The following TENM4 variants were observed in gnomAD, a reference collection of about 807,000 sequenced individuals.
The protein encoded by TENM4 is teneurin-4.
Under a neutral mutation model 243.3 loss-of-function variants are expected in TENM4, and 82 were observed. The ratio of observed to expected loss-of-function variants is 0.34; its 90% confidence interval spans 0.28 to 0.40. The LOEUF (loss-of-function observed/expected upper bound fraction) is 0.40, where lower values mean the gene tolerates loss of function less well. Ranked by LOEUF, TENM4 falls within the 10% of genes least tolerant of loss-of-function variation. The pLI is 1.00. For synonymous variants in TENM4, 1,412 were observed against 1,456.3 expected, an observed-to-expected ratio of 0.97 and a Z score of 0.69; for missense variants, 3,138 against 3,673.3, an observed-to-expected ratio of 0.85 and a Z score of 3.77.
chr11:79,045,521 CAA>C (rs1859634468), intron 6 of TENM4, among the ~76,000 whole-genome samples: 1 of 152,108 alleles, frequency 6.6e-6, no homozygotes, highest in South Asian at 2.1e-4. Context: ...AGGAGAGAGA[CAA>C]AGAGACATGC....
Position 78,676,247 on chromosome 11 carries a change from T to A in TENM4, c.5401A>T (p.Thr1801Ser). 1 of 1,611,016 alleles carries A rather than the reference T, an allele frequency of 6.2e-7. No homozygotes were observed. The change falls in exon 30 of 34, where the codon ACG becomes TCG. Residue 1801 changes from threonine (T) to serine (S), a missense_variant. By Grantham distance (58) the Thr-to-Ser change is moderately conservative. This residue lies in a region of TENM4 where 2,467 missense variants were observed against 3,059.1 expected (regional missense o/e 0.81). Transcript: ENST00000278550. Reference protein sequence around the residue: ...VNPTVGKRNVTLPIDNGLNLV... With the variant: ...VNPTVGKRNVSLPIDNGLNLV... ...TTGAGGCCGTTGTCGATGGGCAGCG[T>A]GACATTCCTCTTGCCCACGGTGGGG...
intron 18 of TENM4, among the ~76,000 whole-genome samples, chr11:78,759,886 T>G (rs970747378): frequency 2.0e-5 from 3 of 152,208 alleles, no homozygotes; most frequent in African/African-American, 7.2e-5. Context: ...AACTCAGTTC[T>G]TTCTGAGGCA....
intron 2 of TENM4, among the ~76,000 whole-genome samples, chr11:79,290,372 A>G (rs543402577): frequency 1.3e-4 from 20 of 152,320 alleles, no homozygotes; most frequent in African/African-American, 4.6e-4. Context: ...ATTTCTTTTG[A>G]GCAAAAGGAA....
chr11:78,736,693 C>G (rs1366130135), intron 20 of TENM4, among the ~76,000 whole-genome samples: 1 of 152,132 alleles, frequency 6.6e-6, no homozygotes, highest in African/African-American at 2.4e-5. Context: ...GCAGTGATAC[C>G]TGTTCACATG....
intron 6 of TENM4, among the ~76,000 whole-genome samples, chr11:78,933,592 T>G (rs969715561): frequency 6.6e-6 from 1 of 152,174 alleles, no homozygotes; most frequent in African/African-American, 2.4e-5. Context: ...CCAATGAGAT[T>G]CTGCAACATC....
chr11:79,408,364 C>T lies in TENM4; in HGVS notation c.-321+32145G>A, dbSNP rs576636866. ...GGTCCGGAGACCACACTTAGAGAAA[C>T]GCCAGGTTATGAGTTCGTGGGCTTT... On this transcript the variant is annotated intron_variant, in intron 1 of 33. Transcript: ENST00000278550. Among the ~76,000 whole-genome samples, 21 of 152,316 alleles carry T rather than the reference C, an allele frequency of 1.4e-4. No homozygotes were observed. In the South Asian group the frequency reaches 2.1e-3, roughly 15 times the overall value.
intron 4 of TENM4, among the ~76,000 whole-genome samples, chr11:79,132,800 G>A (rs541294977): frequency 3.3e-5 from 5 of 152,008 alleles, no homozygotes; most frequent in Non-Finnish European, 7.4e-5. Context: ...CGAACTTAAC[G>A]ACAATAATGA....
rs545068539 is a variant in TENM4, at chr11:79,058,555, A to C, written c.493+6183T>G. Among the ~76,000 whole-genome samples, 31 of 152,070 alleles carry C rather than the reference A, an allele frequency of 2.0e-4. No homozygotes were observed. The South Asian group carries it at 6.0e-3, about 30-fold the overall frequency. ...TGAGACTCCATCTCAAAAAAAAAAA[A>C]ACAAAAAAAAGGATAATGGACACTG... On this transcript the variant is annotated intron_variant, in intron 6 of 33. Coordinates refer to ENST00000278550, the MANE Select transcript of TENM4 (RefSeq NM_001098816.3).
At chr11:79,116,219 T>C (rs1161516405) in intron 4 of TENM4, among the ~76,000 whole-genome samples, 1 of 152,258 alleles carries the variant, frequency 6.6e-6, no homozygotes, top group African/African-American at 2.4e-5. Context: ...ATAAATGGCA[T>C]TTCTCACTTA....
At chr11:78,732,278 T>C (rs1350205064) in intron 21 of TENM4, 38 bp downstream of exon 21, 1 of 1,552,638 alleles carries the variant, frequency 6.4e-7, no homozygotes, top group East Asian at 2.3e-5. Context: ...CAAAATGAAA[T>C]AAAAGCATGG....
chr11:79,152,695 G>C (rs1268711434), intron 3 of TENM4, among the ~76,000 whole-genome samples: 2 of 152,184 alleles, frequency 1.3e-5, no homozygotes, highest in Non-Finnish European at 2.9e-5. Context: ...TGTTTGTGCT[G>C]GCTGGCAGCC....
At chr11:79,336,520 G>A (rs1049562426) in intron 1 of TENM4, among the ~76,000 whole-genome samples, 8 of 152,184 alleles carry the variant, frequency 5.3e-5, no homozygotes, top group Non-Finnish European at 8.8e-5. Flanking sequence ...GGCTGGTTAT[G>A]TGCTTATAAG....
chr11:79,237,793 G>A (rs1403599449), intron 2 of TENM4, among the ~76,000 whole-genome samples: 1 of 152,200 alleles, frequency 6.6e-6, no homozygotes, highest in East Asian at 1.9e-4. Context: ...AATGTGTTTT[G>A]TCGGCTCAGA....
At chr11:78,970,249 G>A (rs1011893157) in intron 6 of TENM4, among the ~76,000 whole-genome samples, 2 of 152,070 alleles carry the variant, frequency 1.3e-5, no homozygotes, top group African/African-American at 4.8e-5. Flanking sequence ...ACCACGTATT[G>A]CTCACCTATG....
At chr11:79,375,633 C>T (rs903226045) in intron 1 of TENM4, among the ~76,000 whole-genome samples, 2 of 152,142 alleles carry the variant, frequency 1.3e-5, no homozygotes, top group Non-Finnish European at 2.9e-5. Flanking sequence ...ATACCTGCCA[C>T]GTAGGATAGA....
chr11:79,398,748 A>AG (rs1858398065), intron 1 of TENM4, among the ~76,000 whole-genome samples: 1 of 107,962 alleles, frequency 9.3e-6, no homozygotes, highest in Non-Finnish European at 1.9e-5. Context: ...AAAAAAAAAA[A>AG]AAAAAAAAAA....
chr11:79,259,295 C>A (rs1855751727), intron 2 of TENM4, among the ~76,000 whole-genome samples: 1 of 152,144 alleles, frequency 6.6e-6, no homozygotes, highest in East Asian at 1.9e-4. Context: ...TGTGCATCTA[C>A]CCATTCATAC....
In TENM4 at chr11:78,716,917, G is replaced by A. The variant is rs565727041; in HGVS notation, c.3821+3453C>T. 1.7e-4 allele frequency among the ~76,000 whole-genome samples: 26 copies of A among 152,320 alleles called. 1 individual carries two copies. The South Asian group carries it at 5.4e-3, about 32-fold the overall frequency. On this transcript the variant is annotated intron_variant, in intron 25 of 33. Coordinates refer to ENST00000278550, the MANE Select transcript of TENM4 (RefSeq NM_001098816.3). ...TTAGAATACTCTACAAATCATAAAT[G>A]TCTCAGAGCATGAGACGGAAGACGG... is the stretch of plus-strand genomic sequence containing the variant.
At chr11:79,121,080 A>C (rs1861735842) in intron 4 of TENM4, among the ~76,000 whole-genome samples, 1 of 152,204 alleles carries the variant, frequency 6.6e-6, no homozygotes, top group Non-Finnish European at 1.5e-5. Flanking sequence ...AAACACTCTT[A>C]GATGGGGAGA....
Sources: gnomAD v4.1 joint callset for allele counts (sites outside exome capture counted in the v4.1 genomes callset) on GRCh38, gnomAD v4.1.1 for gene constraint, gnomAD v4.1.1 regional missense constraint, MANE v1.5 for transcripts, NCBI Gene and HGNC (gene_info 2026-07-23, HGNC 2026-07-21) for gene names.